PPP1R9A: variants seen among roughly 807,000 people sequenced by gnomAD.
The protein encoded by PPP1R9A is protein phosphatase 1 regulatory subunit 9A.
A neutral mutation model predicts 141.9 loss-of-function variants in PPP1R9A; 59 were observed. The observed-to-expected ratio is 0.42, with a 90% confidence interval of 0.34 to 0.52. PPP1R9A has a LOEUF of 0.52. Ranked by LOEUF, PPP1R9A falls within the 20% of genes least tolerant of loss-of-function variation. The pLI is 0.10. For missense variants in PPP1R9A, 1,444 were observed against 1,611.9 expected, an observed-to-expected ratio of 0.90 and a Z score of 1.78; for synonymous variants, 500 against 569.7, an observed-to-expected ratio of 0.88 and a Z score of 1.74.
chr7:94,939,905 A>G (rs1563020833), intron 2 of PPP1R9A, among the ~76,000 whole-genome samples: 1 of 151,564 alleles, frequency 6.6e-6, no homozygotes, highest in East Asian at 1.9e-4. Context: ...TAAACACACT[A>G]TCTCTTCATT....
chr7:95,179,799 C>CGTAGGAAT (rs1833465873), intron 5 of PPP1R9A, among the ~76,000 whole-genome samples: 1 of 77,134 alleles, frequency 1.3e-5, no homozygotes, highest in Admixed American at 1.3e-4. Flanking sequence ...AAAAAAAATA[C>CGTAGGAAT]GTAGGAATAT....
intron 2 of PPP1R9A, among the ~76,000 whole-genome samples, chr7:94,921,413 C>G (rs543148153): frequency 1.5e-4 from 22 of 150,214 alleles, no homozygotes; most frequent in Admixed American, 4.6e-4. Context: ...CGCCACTGCA[C>G]TCCAGCCTGG....
intron 8 of PPP1R9A, among the ~76,000 whole-genome samples, chr7:95,231,868 G>A (rs1052112511): frequency 1.3e-5 from 2 of 151,958 alleles, no homozygotes; most frequent in Non-Finnish European, 2.9e-5. Context: ...CCCAAACCCA[G>A]CAGAAGAAAA....
upstream of PPP1R9A, chr7:94,907,424 C>T (rs906975102): frequency 3.9e-5 from 6 of 152,474 alleles, no homozygotes; most frequent in African/African-American, 1.4e-4. Flanking sequence ...ACTTGGATGC[C>T]TTGGGGTCAC....
chr7:95,004,649 A>G (rs532913519), intron 2 of PPP1R9A, among the ~76,000 whole-genome samples: 1 of 152,326 alleles, frequency 6.6e-6, no homozygotes, highest in East Asian at 1.9e-4. Context: ...ACTCATGCAT[A>G]GAATAAAAGC....
chr7:95,073,604 G>A (rs1242232604), intron 2 of PPP1R9A, among the ~76,000 whole-genome samples: 1 of 143,766 alleles, frequency 7.0e-6, no homozygotes, highest in Admixed American at 7.0e-5. Context: ...GTTATTCAAT[G>A]CAATACCTGA....
intron 8 of PPP1R9A, among the ~76,000 whole-genome samples, chr7:95,232,147 G>A (rs1480755002): frequency 2.0e-5 from 3 of 152,036 alleles, no homozygotes; most frequent in Non-Finnish European, 4.4e-5. Flanking sequence ...TAGAGGAGAT[G>A]TTTAAATTCC....
chr7:95,254,192 G>C (rs941188683), intron 12 of PPP1R9A, among the ~76,000 whole-genome samples: 5 of 152,158 alleles, frequency 3.3e-5, no homozygotes, highest in Non-Finnish European at 4.4e-5. Context: ...TTGTGCAGTA[G>C]AGGTAGAATC....
intron 12 of PPP1R9A, among the ~76,000 whole-genome samples, chr7:95,267,178 C>G (rs1801434171): frequency 6.6e-6 from 1 of 152,078 alleles, no homozygotes; most frequent in South Asian, 2.1e-4. Context: ...ACAAGAGGCA[C>G]AAACTGAGGT....
intron 2 of PPP1R9A, among the ~76,000 whole-genome samples, chr7:94,913,848 C>G (rs1791744222): frequency 1.3e-5 from 2 of 152,086 alleles, no homozygotes; most frequent in Non-Finnish European, 2.9e-5. Context: ...TTACCCCTTT[C>G]CTCTGTGAGT....
At chr7:95,030,996 C>T (rs78625210) in intron 2 of PPP1R9A, among the ~76,000 whole-genome samples, 2,102 of 152,172 alleles carry the variant, frequency 0.014, 60 homozygotes, top group African/African-American at 0.049. Flanking sequence ...GGAGAGGAGA[C>T]TGGGAACCTC....
At chr7:95,163,717 T>A (rs1458493923) in intron 5 of PPP1R9A, among the ~76,000 whole-genome samples, 1 of 151,290 alleles carries the variant, frequency 6.6e-6, no homozygotes, top group Non-Finnish European at 1.5e-5. Context: ...TGTGCAGGGG[T>A]TTTTTTTGTT....
At chr7:95,036,156 A>C (rs941803606) in intron 2 of PPP1R9A, 1 of 152,214 alleles carries the variant, frequency 6.6e-6, no homozygotes, top group Non-Finnish European at 1.5e-5. Context: ...ATGAATAGAC[A>C]TAGAATAGCA....
intron 2 of PPP1R9A, among the ~76,000 whole-genome samples, chr7:95,065,301 A>G (rs1249803100): frequency 2.0e-5 from 3 of 152,106 alleles, no homozygotes; most frequent in East Asian, 1.9e-4. Flanking sequence ...TCCTGGCCCC[A>G]AGCAATCCTC....
chr7:95,052,012 G>GT (rs1380582531), intron 2 of PPP1R9A, among the ~76,000 whole-genome samples: 1 of 151,808 alleles, frequency 6.6e-6, no homozygotes, highest in Non-Finnish European at 1.5e-5. Context: ...GCTAACTTTT[G>GT]TATTTTTAGT....
intron 2 of PPP1R9A, among the ~76,000 whole-genome samples, chr7:94,920,581 A>G (rs369924626): frequency 6.6e-6 from 1 of 152,218 alleles, no homozygotes; most frequent in South Asian, 2.1e-4. Flanking sequence ...TTTATGGATA[A>G]TGGTAAATGA....
rs1310531341 is a variant in PPP1R9A at position 94,911,963 on chromosome 7, T to TA, written c.1395+462dup. Among the ~76,000 whole-genome samples, 7 of 152,312 alleles carry TA rather than the reference T, an allele frequency of 4.6e-5. No individual in the cohort carries two copies. In the East Asian group the frequency reaches 1.4e-3, roughly 29 times the overall value. On this transcript the variant is annotated intron_variant, in intron 2 of 19. Coordinates refer to ENST00000433360, the MANE Select transcript of PPP1R9A (RefSeq NM_001166160.2). ...GGGAATAATATTCGATTTACTTTCT[T>TA]AAAAAAATCTGAGTTATTAAGTGTA... is the stretch of plus-strand genomic sequence containing the variant.
chr7:95,190,309 C>T (rs768921781), intron 5 of PPP1R9A, among the ~76,000 whole-genome samples: 3 of 152,166 alleles, frequency 2.0e-5, no homozygotes, highest in Non-Finnish European at 2.9e-5. Flanking sequence ...GGTTTAGACA[C>T]CTAGCAGGGT....
intron 2 of PPP1R9A, among the ~76,000 whole-genome samples, chr7:95,038,314 A>G (rs1345061055): frequency 6.6e-6 from 1 of 152,110 alleles, no homozygotes. Context: ...AGAGTCATAA[A>G]CTGGTAGGAA....
Sources: gnomAD v4.1 joint callset for allele counts (sites outside exome capture counted in the v4.1 genomes callset) on GRCh38, gnomAD v4.1.1 for gene constraint, MANE v1.5 for transcripts, NCBI Gene and HGNC (gene_info 2026-07-23, HGNC 2026-07-21) for gene names.